The following FRMD5 variants were observed in gnomAD, a reference collection of about 807,000 sequenced individuals.
FRMD5 encodes the protein FERM domain containing 5.
Under a neutral mutation model 69.0 loss-of-function variants are expected in FRMD5, and 20 were observed. The ratio of observed to expected loss-of-function variants is 0.29; its 90% CI spans 0.20 to 0.42. FRMD5 has a LOEUF of 0.42. Among genes scored for constraint, FRMD5 ranks in the 10% least tolerant of loss-of-function variants. The pLI, the probability that FRMD5 is intolerant of heterozygous loss-of-function variation, is 1.00. For missense variants in FRMD5, 595 were observed against 708.6 expected, an observed-to-expected ratio of 0.84 and a Z score of 1.82; for synonymous variants, 271 against 260.1, an observed-to-expected ratio of 1.04 and a Z score of -0.40.
chr15:44,129,143 T>C (rs1447440527), intron 1 of FRMD5, among the ~76,000 whole-genome samples: 2 of 152,144 alleles, frequency 1.3e-5, no homozygotes, highest in South Asian at 2.1e-4. Context: ...TCAATTATAT[T>C]GGAAACATGT....
At chr15:43,882,513 CACA>C (rs1291637730) in intron 13 of FRMD5, among the ~76,000 whole-genome samples, 1 of 151,998 alleles carries the variant, frequency 6.6e-6, no homozygotes, top group Non-Finnish European at 1.5e-5. Context: ...CGTGCATCAC[CACA>C]CCTGGTTAAT....
chr15:43,878,683 G>T (rs879741279), intron 13 of FRMD5, among the ~76,000 whole-genome samples: 4 of 152,086 alleles, frequency 2.6e-5, no homozygotes, highest in Admixed American at 2.0e-4. Context: ...TGCATAGGGC[G>T]CCTGCCACCC....
At chr15:44,182,311 C>G (rs2078017164) in intron 1 of FRMD5, among the ~76,000 whole-genome samples, 1 of 141,060 alleles carries the variant, frequency 7.1e-6, no homozygotes, top group Non-Finnish European at 1.5e-5. Context: ...ACACCTGGCC[C>G]TACATTGCTT....
At chr15:44,137,807 G>A (rs552476063) in intron 1 of FRMD5, among the ~76,000 whole-genome samples, 2 of 152,254 alleles carry the variant, frequency 1.3e-5, no homozygotes, top group African/African-American at 4.8e-5. Context: ...TTCAACTTCT[G>A]TAGGTCAATG....
At chr15:44,075,700 C>T (rs1893728754) in intron 1 of FRMD5, among the ~76,000 whole-genome samples, 1 of 152,094 alleles carries the variant, frequency 6.6e-6, no homozygotes, top group Non-Finnish European at 1.5e-5. Context: ...TTTCTATAGA[C>T]GTTCCACAGG....
intron 1 of FRMD5, among the ~76,000 whole-genome samples, chr15:43,946,763 T>A (rs2140500769): frequency 6.6e-6 from 1 of 152,322 alleles, no homozygotes; most frequent in East Asian, 1.9e-4. Flanking sequence ...TTTGCTCTCT[T>A]CTGTCCCCCT....
In FRMD5 at chr15:44,138,483, T is replaced by C. The variant is rs560797029; in HGVS notation, c.102+56470A>G. Among the ~76,000 whole-genome samples the C allele has an allele frequency of 2.6e-5, 4 of 152,290 alleles. No homozygotes were observed. In the South Asian group the frequency reaches 6.2e-4, roughly 24 times the overall value. On this transcript the variant is annotated intron_variant, in intron 1 of 13. Coordinates refer to ENST00000417257, the MANE Select transcript of FRMD5 (RefSeq NM_032892.5). ...TCAGCAATAATGGATGCCTTGAAGA[T>C]AGTGGAGTTATAAGTTTAAAATGTT...
rs1545182 is a variant in FRMD5 at position 43,923,912 on chromosome 15, T to C, written c.207+293A>G. Among the ~76,000 whole-genome samples the C allele has an allele frequency of 0.27, 41,739 of 152,160 alleles. 10,784 individuals are homozygous for C. The highest frequency in any genetic ancestry group is 0.68 in the African/African-American group (28,122 of 41,474). On this transcript the variant is annotated intron_variant, in intron 2 of 13. Transcript: ENST00000417257. ...GGGCAGGAGAGGCTCACCCTGTGAC[T>C]TGGGCTCCGAGACCACAACTCCAGC...
chr15:43,905,199 CA>C (rs1196092722), intron 6 of FRMD5, among the ~76,000 whole-genome samples: 1 of 150,482 alleles, frequency 6.6e-6, no homozygotes, highest in African/African-American at 2.5e-5. Context: ...TGCAATGGCG[CA>C]ACCTCAGCTC....
intron 1 of FRMD5, among the ~76,000 whole-genome samples, chr15:44,125,819 G>A (rs2077017526): frequency 6.6e-6 from 1 of 152,274 alleles, no homozygotes; most frequent in Middle Eastern, 3.4e-3. Flanking sequence ...TCTTGCCACA[G>A]TAGTCCTCCT....
intron 1 of FRMD5, among the ~76,000 whole-genome samples, chr15:43,987,675 A>C (rs1319520933): frequency 1.3e-5 from 2 of 151,908 alleles, no homozygotes; most frequent in African/African-American, 4.8e-5. Flanking sequence ...TCAGCCTCCC[A>C]AGTAGCTGGG....
rs751184580 is a variant in FRMD5 at position 43,883,778 on chromosome 15, A to T, written c.1060T>A (p.Ser354Thr). 68 of 1,613,916 alleles carry T rather than the reference A, an allele frequency of 4.2e-5. No homozygotes were observed. The highest frequency in any genetic ancestry group is 4.2e-6 in the Non-Finnish European group (5 of 1,179,912). Residue 354 changes from serine to threonine, a missense_variant, in exon 13 of 14, where the codon TCC (serine) becomes ACC (threonine). By Grantham distance (58) the Ser-to-Thr change is moderately conservative. Around this residue, in one of 5 missense-constraint regions of FRMD5, gnomAD observed 176 missense variants for 266.3 expected, o/e 0.66. Coordinates refer to ENST00000417257, the MANE Select transcript of FRMD5 (RefSeq NM_032892.5). ...CTCAGCCTTGGGCCATGGGTTATGGAGGGACAGCTCCGGCTGGGAACCATC... is the reference window on the plus strand; with the variant it reads ...CTCAGCCTTGGGCCATGGGTTATGGTGGGACAGCTCCGGCTGGGAACCATC... ...AGMVPSRSCP[S>T]ITHGPRLSSV...
chr15:43,972,051 T>A (rs1211928200), intron 1 of FRMD5, among the ~76,000 whole-genome samples: 2 of 146,048 alleles, frequency 1.4e-5, no homozygotes, highest in African/African-American at 5.1e-5. Flanking sequence ...TATATATTTT[T>A]ATATATTTAT....
At chr15:43,922,157 C>T (rs2089504759) in intron 2 of FRMD5, among the ~76,000 whole-genome samples, 1 of 152,224 alleles carries the variant, frequency 6.6e-6, no homozygotes, top group African/African-American at 2.4e-5. Flanking sequence ...CAGAGGCTAT[C>T]AGTTATACAT....
At chr15:43,986,449 G>A (rs1447797864) in intron 1 of FRMD5, among the ~76,000 whole-genome samples, 1 of 152,214 alleles carries the variant, frequency 6.6e-6, no homozygotes, top group Non-Finnish European at 1.5e-5. Flanking sequence ...GGAACTTAGT[G>A]AAGGCAAACT....
At chr15:44,185,811 C>T (rs2078090728) in intron 1 of FRMD5, among the ~76,000 whole-genome samples, 1 of 151,470 alleles carries the variant, frequency 6.6e-6, no homozygotes, top group African/African-American at 2.4e-5. Flanking sequence ...AAAAAATGCT[C>T]TAGAGGCAAA....
At chr15:44,106,536 G>A (rs1335334216) in intron 1 of FRMD5, among the ~76,000 whole-genome samples, 1 of 152,118 alleles carries the variant, frequency 6.6e-6, no homozygotes, top group East Asian at 1.9e-4. Context: ...GCCTCATTCT[G>A]ATTTTTAAAA....
chr15:44,162,211 G>C (rs898603759), intron 1 of FRMD5, among the ~76,000 whole-genome samples: 1 of 150,128 alleles, frequency 6.7e-6, no homozygotes, highest in Non-Finnish European at 1.5e-5. Flanking sequence ...TGATCCACTC[G>C]CCTCAGCCTC....
chr15:44,069,762 T>C (rs1182064592), intron 1 of FRMD5, among the ~76,000 whole-genome samples: 1 of 152,188 alleles, frequency 6.6e-6, no homozygotes, highest in Admixed American at 6.5e-5. Flanking sequence ...ATCTTGACTA[T>C]GATATTGTGC....
Sources: allele counts gnomAD v4.1 joint callset (sites outside exome capture counted in the v4.1 genomes callset), GRCh38; gene constraint gnomAD v4.1.1; regional missense constraint gnomAD v4.1.1; transcripts MANE v1.5; gene names NCBI Gene and HGNC (gene_info 2026-07-23, HGNC 2026-07-21).